The following CMTM8 variants were observed in gnomAD, a reference collection of about 807,000 sequenced individuals.
CMTM8 encodes CKLF-like MARVEL transmembrane domain-containing protein 8.
A neutral mutation model predicts 18.6 loss-of-function variants in CMTM8; 12 were observed. The observed-to-expected ratio is 0.65, with a 90% confidence interval of 0.41 to 1.05. The LOEUF is 1.05. Ranked by LOEUF, CMTM8 falls within the 50% of genes least tolerant of loss-of-function variation. The pLI, the probability that CMTM8 is intolerant of heterozygous loss-of-function variation, is 0.00. For missense variants in CMTM8, 217 were observed against 227.2 expected (o/e 0.95, Z 0.29); for synonymous variants, 87 against 90.6 (o/e 0.96, Z 0.23).
intron 1 of CMTM8, among the ~76,000 whole-genome samples, chr3:32,329,193 G>A (rs570247957): frequency 6.3e-4 from 96 of 152,222 alleles, no homozygotes; most frequent in African/African-American, 2.2e-3. Flanking sequence ...AGCCTCCTGA[G>A]TAGCTGGGAT....
At chr3:32,276,169 C>T (rs889394805) in intron 1 of CMTM8, among the ~76,000 whole-genome samples, 1 of 152,050 alleles carries the variant, frequency 6.6e-6, no homozygotes, top group Non-Finnish European at 1.5e-5. Context: ...TTTTGTCTCC[C>T]TTCCCTCCTG....
chr3:32,269,239 G>A (rs1390195637), intron 1 of CMTM8, among the ~76,000 whole-genome samples: 1 of 152,176 alleles, frequency 6.6e-6, no homozygotes, highest in African/African-American at 2.4e-5. Flanking sequence ...AAATGTCTGT[G>A]TGCTTTGAAG....
chr3:32,342,638 G>T (rs1156822356), intron 1 of CMTM8, among the ~76,000 whole-genome samples: 1 of 152,198 alleles, frequency 6.6e-6, no homozygotes, highest in African/African-American at 2.4e-5. Flanking sequence ...TATTACTCAT[G>T]AGAGAGCTCT....
At chr3:32,340,535 A>G (rs1696473666) in intron 1 of CMTM8, among the ~76,000 whole-genome samples, 1 of 152,214 alleles carries the variant, frequency 6.6e-6, no homozygotes, top group Non-Finnish European at 1.5e-5. Context: ...ACATCAGTAC[A>G]CATATATGTG....
At chr3:32,345,287 T>G (rs532323962) in intron 1 of CMTM8, among the ~76,000 whole-genome samples, 1 of 152,196 alleles carries the variant, frequency 6.6e-6, no homozygotes, top group Admixed American at 6.5e-5. Context: ...CCCAGGGAGG[T>G]TGAGGCTGCA....
intron 1 of CMTM8, among the ~76,000 whole-genome samples, chr3:32,274,187 G>C (rs1046234568): frequency 6.6e-6 from 1 of 151,910 alleles, no homozygotes; most frequent in Non-Finnish European, 1.5e-5. Flanking sequence ...GTGCATGCCT[G>C]CGGTCCCAGC....
At chr3:32,350,824 A>T (rs375882049) in intron 1 of CMTM8, among the ~76,000 whole-genome samples, 2 of 151,480 alleles carry the variant, frequency 1.3e-5, no homozygotes, top group South Asian at 2.1e-4. Context: ...CGTCAAGCCT[A>T]ATTTTTGTAT....
At chr3:32,303,117 A>G (rs1173199190) in intron 1 of CMTM8, among the ~76,000 whole-genome samples, 1 of 152,222 alleles carries the variant, frequency 6.6e-6, no homozygotes, top group Non-Finnish European at 1.5e-5. Context: ...GCAGGCGTCT[A>G]GGATCCAAAA....
intron 2 of CMTM8, among the ~76,000 whole-genome samples, chr3:32,362,221 T>G (rs1575096495): frequency 6.6e-6 from 1 of 151,932 alleles, no homozygotes; most frequent in African/African-American, 2.4e-5. Context: ...TTGTATTTTT[T>G]TAGTAGAGAC....
At chr3:32,359,149 GGCAT>G (rs2125600375) in intron 2 of CMTM8, among the ~76,000 whole-genome samples, 1 of 152,290 alleles carries the variant, frequency 6.6e-6, no homozygotes, top group South Asian at 2.1e-4. Flanking sequence ...ATCAGCAATT[GGCAT>G]GCTGTCTCTG....
intron 1 of CMTM8, among the ~76,000 whole-genome samples, chr3:32,331,337 T>A (rs995177767): frequency 4.6e-5 from 7 of 152,150 alleles, no homozygotes; most frequent in African/African-American, 1.7e-4. Flanking sequence ...AAGAATGTGG[T>A]GAAATTGGGA....
intron 1 of CMTM8, among the ~76,000 whole-genome samples, chr3:32,313,836 C>T (rs2125571780): frequency 6.6e-6 from 1 of 152,274 alleles, no homozygotes; most frequent in Admixed American, 6.5e-5. Context: ...GTTCTTGTCA[C>T]ACGACCAGGA....
chr3:32,273,016 T>G (rs566932775), intron 1 of CMTM8, among the ~76,000 whole-genome samples: 2 of 152,208 alleles, frequency 1.3e-5, no homozygotes, highest in South Asian at 2.1e-4. Context: ...TCATTAGTCT[T>G]TAGAGAAATA....
chr3:32,297,221 C>T (rs1211176552), intron 1 of CMTM8, among the ~76,000 whole-genome samples: 1 of 152,140 alleles, frequency 6.6e-6, no homozygotes, highest in African/African-American at 2.4e-5. Context: ...TCTTGTTGCC[C>T]AGGCTGGAGT....
intron 1 of CMTM8, among the ~76,000 whole-genome samples, chr3:32,308,805 A>G (rs1214435354): frequency 1.3e-5 from 2 of 152,222 alleles, no homozygotes; most frequent in Admixed American, 6.5e-5. Context: ...ATTAGATCCT[A>G]TGGTGCAACT....
intron 1 of CMTM8, among the ~76,000 whole-genome samples, chr3:32,304,501 AATG>A (rs1559374916): frequency 6.6e-6 from 1 of 152,226 alleles, no homozygotes; most frequent in Non-Finnish European, 1.5e-5. Context: ...ACAAGAAATG[AATG>A]ATGTGAGTGC....
At chr3:32,327,553 A>G (rs1386291650) in intron 1 of CMTM8, among the ~76,000 whole-genome samples, 1 of 152,220 alleles carries the variant, frequency 6.6e-6, no homozygotes, top group Non-Finnish European at 1.5e-5. Flanking sequence ...TGAGACTCCC[A>G]AGCAAAATTG....
At chr3:32,261,318 G>A (rs755377020) in intron 1 of CMTM8, among the ~76,000 whole-genome samples, 5 of 151,932 alleles carry the variant, frequency 3.3e-5, no homozygotes, top group Non-Finnish European at 7.4e-5. Flanking sequence ...AGAATATAGT[G>A]GTAAATAGCA....
At chr3:32,246,825 G>A (rs1338528926) in intron 1 of CMTM8, among the ~76,000 whole-genome samples, 4 of 152,268 alleles carry the variant, frequency 2.6e-5, no homozygotes, top group African/African-American at 9.6e-5. Flanking sequence ...TTATTGGCTG[G>A]GCATAGTGGC....
Sources: allele counts gnomAD v4.1 joint callset (sites outside exome capture counted in the v4.1 genomes callset), GRCh38; gene constraint gnomAD v4.1.1; transcripts MANE v1.5; gene names NCBI Gene and HGNC (gene_info 2026-07-23, HGNC 2026-07-21).